The following PTPRD variants were observed in gnomAD, a reference collection of about 807,000 sequenced individuals.
PTPRD encodes protein tyrosine phosphatase receptor type D, also known as receptor-type tyrosine-protein phosphatase delta.
Under a neutral mutation model 214.5 loss-of-function variants are expected in PTPRD, and 34 were observed. The observed-to-expected ratio is 0.16, with a 90% CI of 0.12 to 0.21. The LOEUF (loss-of-function observed/expected upper bound fraction) is 0.21. PTPRD is among the 10% of genes least tolerant of loss of function. PTPRD has a pLI of 1.00. For missense variants in PTPRD, 2,545 were observed against 2,398.7 expected, an observed-to-expected ratio of 1.06 and a Z score of -1.27; for synonymous variants, 1,128 against 845.7, an observed-to-expected ratio of 1.33 and a Z score of -5.79.
chr9:8,982,607 C>A (rs1302595401), intron 11 of PTPRD, among the ~76,000 whole-genome samples: 1 of 151,016 alleles, frequency 6.6e-6, no homozygotes, highest in Non-Finnish European at 1.5e-5. Flanking sequence ...ATAAAAAACT[C>A]CACAATCATC....
intron 2 of PTPRD, among the ~76,000 whole-genome samples, chr9:10,344,436 G>A (rs566808909): frequency 1.3e-5 from 2 of 152,286 alleles, no homozygotes; most frequent in Admixed American, 1.3e-4. Context: ...CTGTAGTCTT[G>A]TAGTATAGCT....
At chr9:10,531,251 A>G (rs1307444420) in intron 2 of PTPRD, among the ~76,000 whole-genome samples, 1 of 152,130 alleles carries the variant, frequency 6.6e-6, no homozygotes, top group Non-Finnish European at 1.5e-5. Flanking sequence ...TGCCCGGCCA[A>G]TGGATAAAAT....
intron 7 of PTPRD, among the ~76,000 whole-genome samples, chr9:9,697,022 A>G (rs2097389266): frequency 6.6e-6 from 1 of 152,120 alleles, no homozygotes; most frequent in Non-Finnish European, 1.5e-5. Flanking sequence ...TAGACAACTT[A>G]TCTGATCACA....
intron 2 of PTPRD, among the ~76,000 whole-genome samples, chr9:10,424,170 T>C (rs1370795685): frequency 1.3e-5 from 2 of 151,896 alleles, no homozygotes; most frequent in Non-Finnish European, 2.9e-5. Context: ...TGAATGAAAA[T>C]AGATTAACAT....
chr9:10,386,376 C>A (rs1467242211), intron 2 of PTPRD, among the ~76,000 whole-genome samples: 3 of 151,800 alleles, frequency 2.0e-5, no homozygotes, highest in Non-Finnish European at 2.9e-5. Context: ...CTGAAGAAAC[C>A]TTTTCCTATA....
chr9:10,029,610 T>G (rs755097396), intron 4 of PTPRD, among the ~76,000 whole-genome samples: 7 of 152,210 alleles, frequency 4.6e-5, no homozygotes, highest in Non-Finnish European at 1.0e-4. Context: ...TTTGTTTTGG[T>G]CAATGTCTCC....
At chr9:9,897,169 A>G (rs1200172861) in intron 5 of PTPRD, among the ~76,000 whole-genome samples, 2 of 144,054 alleles carry the variant, frequency 1.4e-5, no homozygotes, top group African/African-American at 5.4e-5. Flanking sequence ...CACCGCTGCT[A>G]AACACCCCCT....
intron 9 of PTPRD, among the ~76,000 whole-genome samples, chr9:9,352,359 A>ATG (rs1215335540): frequency 1.2e-4 from 13 of 110,780 alleles, no homozygotes; most frequent in African/African-American, 1.9e-4. Context: ...GTGTGTATAT[A>ATG]TGTGTGTGTG....
intron 10 of PTPRD, among the ~76,000 whole-genome samples, chr9:9,172,592 A>G (rs866584344): frequency 2.6e-5 from 4 of 152,076 alleles, no homozygotes; most frequent in Non-Finnish European, 4.4e-5. Context: ...TTCATGATAG[A>G]TGTGCTATGT....
chr9:8,549,412 A>G (rs1422065450), intron 14 of PTPRD, among the ~76,000 whole-genome samples: 2 of 152,224 alleles, frequency 1.3e-5, no homozygotes, highest in East Asian at 3.9e-4. Flanking sequence ...TATGAAAATG[A>G]CAGCTGGAAT....
In PTPRD at chr9:9,909,824, C is replaced by T. The variant is rs114627154; in HGVS notation, c.-368+28683G>A. On this transcript the variant is annotated intron_variant, in intron 5 of 45. Transcript: ENST00000381196. ...GCACTATTCACTAGACCTGATTCAACATCTGTTTTTGCCTATAAGTTCAAT... is the reference window on the plus strand; with the variant it reads ...GCACTATTCACTAGACCTGATTCAATATCTGTTTTTGCCTATAAGTTCAAT... Among the ~76,000 whole-genome samples, 705 of 151,624 alleles carry T rather than the reference C, an allele frequency of 4.6e-3. 3 individuals are homozygous for T. The highest frequency in any genetic ancestry group is 0.016 in the African/African-American group (643 of 41,362).
chr9:8,945,373 AGTCAC>A (rs2099057560), intron 11 of PTPRD, among the ~76,000 whole-genome samples: 1 of 152,108 alleles, frequency 6.6e-6, no homozygotes, highest in Non-Finnish European at 1.5e-5. Flanking sequence ...GTAACAGAGC[AGTCAC>A]CAAGACTTGT....
intron 3 of PTPRD, among the ~76,000 whole-genome samples, chr9:10,169,909 A>G (rs1177091652): frequency 6.6e-6 from 1 of 152,234 alleles, no homozygotes; most frequent in African/African-American, 2.4e-5. Flanking sequence ...GATTTAGTTT[A>G]TAAAGTCTTT....
chr9:9,753,083 T>C (rs1008066726), intron 6 of PTPRD, among the ~76,000 whole-genome samples: 1 of 152,126 alleles, frequency 6.6e-6, no homozygotes, highest in Non-Finnish European at 1.5e-5. Context: ...GTTAGACTTT[T>C]AATACAACAA....
At chr9:9,665,373 A>G (rs532263437) in intron 7 of PTPRD, among the ~76,000 whole-genome samples, 2 of 151,828 alleles carry the variant, frequency 1.3e-5, no homozygotes, top group Non-Finnish European at 3.0e-5. Flanking sequence ...GCATCAGAGT[A>G]TTTTTAAAGG....
chr9:9,294,554 T>G (rs969891540), intron 9 of PTPRD, among the ~76,000 whole-genome samples: 9 of 151,676 alleles, frequency 5.9e-5, no homozygotes, highest in African/African-American at 2.2e-4. Context: ...TTTGACAGAT[T>G]AGTGTTCTTA....
At chr9:9,364,326 T>C (rs1450416414) in intron 9 of PTPRD, among the ~76,000 whole-genome samples, 1 of 151,426 alleles carries the variant, frequency 6.6e-6, no homozygotes, top group Non-Finnish European at 1.5e-5. Context: ...AAGAGAATTT[T>C]CCCCCGAAGT....
At chr9:10,120,022 A>G (rs909917872) in intron 3 of PTPRD, among the ~76,000 whole-genome samples, 3 of 152,030 alleles carry the variant, frequency 2.0e-5, no homozygotes, top group African/African-American at 7.2e-5. Flanking sequence ...AGTGATAGAA[A>G]CTTAGCTTTA....
At chr9:8,524,786 A>G (rs1351328860) in intron 18 of PTPRD, 139 bp downstream of exon 18, 2 of 794,138 alleles carry the variant, frequency 2.5e-6, no homozygotes, top group African/African-American at 1.7e-5. Context: ...TAACTTTTCT[A>G]TTTACTAACA....
Sources: allele counts gnomAD v4.1 joint callset (sites outside exome capture counted in the v4.1 genomes callset), GRCh38; gene constraint gnomAD v4.1.1; transcripts MANE v1.5; gene names NCBI Gene and HGNC (gene_info 2026-07-23, HGNC 2026-07-21).